Variants in GSTT4 observed in about 807,000 individuals in gnomAD.
GSTT4 encodes the protein glutathione S-transferase theta 4.
At chr22:23,998,273 C>T (rs1357220171), downstream of GSTT4, 1 of 104,926 alleles carries the variant, frequency 9.5e-6, no homozygotes, top group African/African-American at 3.4e-5. Flanking sequence ...ACTATTATTA[C>T]TCACAATGTA....
At chr22:24,002,627 G>A (rs1388211868) in intron 2 of GSTT4, among the ~76,000 whole-genome samples, 1 of 55,318 alleles carries the variant, frequency 1.8e-5, no homozygotes, top group African/African-American at 4.8e-5. Flanking sequence ...TCAGGAGATC[G>A]AGACCATCCT....
the GSTT4 span, among the ~76,000 whole-genome samples, chr22:23,991,675 T>C: frequency 2.2e-5 from 3 of 139,056 alleles, no homozygotes; most frequent in African/African-American, 7.8e-5. Flanking sequence ...CCTTGGCTCC[T>C]AGAACTTTGG....
At chr22:23,990,618 A>C in the GSTT4 span, among the ~76,000 whole-genome samples, 3 of 69,052 alleles carry the variant, frequency 4.3e-5, no homozygotes, top group Admixed American at 1.7e-4. Flanking sequence ...AGATTGAGAC[A>C]CTGTAATAAA....
At chr22:24,003,650 CTCCTT>C (rs2034286559) in intron 2 of GSTT4, 105 bp downstream of exon 2, 2 of 154,790 alleles carry the variant, frequency 1.3e-5, no homozygotes, top group African/African-American at 4.8e-5. Context: ...AGTATTCACT[CTCCTT>C]TAGTGCACGT....
intron 3 of GSTT4, among the ~76,000 whole-genome samples, chr22:24,000,677 G>A (rs2034210331): frequency 6.9e-6 from 1 of 144,410 alleles, no homozygotes; most frequent in Admixed American, 6.8e-5. Context: ...TCCTGCCTCA[G>A]CGTCCTGAGT....
At chr22:24,003,534 G>A (rs1233275044) in intron 2 of GSTT4, among the ~76,000 whole-genome samples, 2 of 152,284 alleles carry the variant, frequency 1.3e-5, no homozygotes, top group Admixed American at 1.3e-4. Context: ...GAATGATGGG[G>A]TGTCTGGGAG....
chr22:23,994,666 ACTT>A (rs1281130782), downstream of GSTT4, among the ~76,000 whole-genome samples: 6 of 144,148 alleles, frequency 4.2e-5, no homozygotes, highest in Non-Finnish European at 7.7e-5. Context: ...TCTAATTTTT[ACTT>A]CTCTACTGTG....
chr22:23,992,789 T>TC, the GSTT4 span, among the ~76,000 whole-genome samples: 2 of 120,670 alleles, frequency 1.7e-5, no homozygotes, highest in African/African-American at 6.8e-5. Context: ...ATTCTTTTTT[T>TC]TTTCGAGACA....
At chr22:24,002,116 A>T (rs1276892317) in intron 2 of GSTT4, among the ~76,000 whole-genome samples, 2 of 152,282 alleles carry the variant, frequency 1.3e-5, no homozygotes, top group African/African-American at 4.8e-5. Flanking sequence ...GTGATGAGGC[A>T]GCCAGAGACA....
chr22:23,990,364 C>T, the GSTT4 span, among the ~76,000 whole-genome samples: 3 of 115,218 alleles, frequency 2.6e-5, no homozygotes, highest in Admixed American at 1.9e-4. Context: ...GATCTCAACA[C>T]TTTAGAAGGA....
chr22:24,001,071 G>C (rs2034219844), intron 3 of GSTT4, 104 bp downstream of exon 3: 2 of 122,936 alleles, frequency 1.6e-5, no homozygotes, highest in African/African-American at 6.5e-5. Flanking sequence ...GAGGGAGGGA[G>C]ACTTGCTTGA....
At chr22:23,997,853 G>A (rs2034132341), downstream of GSTT4, among the ~76,000 whole-genome samples, 1 of 151,956 alleles carries the variant, frequency 6.6e-6, no homozygotes, top group South Asian at 2.1e-4. Flanking sequence ...TATAAATCTG[G>A]GCATGTTGTG....
At chr22:23,991,824 G>A in the GSTT4 span, among the ~76,000 whole-genome samples, 1,087 of 134,796 alleles carry the variant, frequency 8.1e-3, no homozygotes, top group African/African-American at 0.027. Context: ...GGAGACCGAG[G>A]GGGGTGGATC....
At chr22:23,994,253 A>G (rs2034095371), downstream of GSTT4, among the ~76,000 whole-genome samples, 1 of 152,074 alleles carries the variant, frequency 6.6e-6, no homozygotes, top group African/African-American at 2.4e-5. Flanking sequence ...ATACCATAAT[A>G]TCCACCCTTT....
chr22:24,004,334 G>T (rs1488888011), intron 1 of GSTT4: 1 of 152,754 alleles, frequency 6.5e-6, no homozygotes, highest in Admixed American at 6.5e-5. Context: ...TGAGGTGGGG[G>T]CAGGAACTGA....
Position 24,000,149 on chromosome 22 carries a change from GA to G in GSTT4, c.453del (p.Leu152CysfsTer23), listed in dbSNP as rs2034195668. ...CCGGTGATGAACATCTTATCCTGCAGAAAATACTCCTCAAAGAGCTGCAGGC... is the reference window on the plus strand; with the variant it reads ...CCGGTGATGAACATCTTATCCTGCAGAAATACTCCTCAAAGAGCTGCAGGC... The part of the protein sequence containing the change: ...KNSLQLFEEY[F>X]LQDKMFITGN... On this transcript the variant is annotated frameshift_variant, in exon 4 of 5. Coordinates refer to ENST00000621179, the MANE Select transcript of GSTT4 (RefSeq NM_001358664.2). LOFTEE classifies it high-confidence loss of function. The G allele has an allele frequency of 6.4e-6, 1 of 155,346 alleles. No homozygotes were observed. The highest frequency in any genetic ancestry group is 1.5e-5 in the Non-Finnish European group (1 of 68,566). 9.6% of individuals were successfully genotyped at this position (155,346 alleles called of 1,614,324 possible).
At chr22:24,003,029 C>T (rs1008816344) in intron 2 of GSTT4, among the ~76,000 whole-genome samples, 22 of 152,168 alleles carry the variant, frequency 1.4e-4, no homozygotes, top group African/African-American at 4.8e-4. Context: ...AGTGCAGTGG[C>T]GCAATCAGAG....
chr22:24,002,830 CAAAA>C (rs57115393), intron 2 of GSTT4, among the ~76,000 whole-genome samples: 7 of 90,022 alleles, frequency 7.8e-5, no homozygotes, highest in African/African-American at 2.5e-4. Flanking sequence ...GACTCCGTCT[CAAAA>C]AAAAAAAAAA....
intron 2 of GSTT4, 96 bp downstream of exon 2, chr22:24,003,664 G>A (rs572679642): frequency 2.2e-4 from 34 of 155,002 alleles, no homozygotes; most frequent in African/African-American, 5.8e-4. Flanking sequence ...TTTAGTGCAC[G>A]TGTGAGATTT....
Sources: allele counts gnomAD v4.1 joint callset (sites outside exome capture counted in the v4.1 genomes callset), GRCh38; gene constraint gnomAD v4.1.1; transcripts MANE v1.5; gene names NCBI Gene and HGNC (gene_info 2026-07-23, HGNC 2026-07-21).